Variants in SPEG observed in about 807,000 individuals in gnomAD.
SPEG encodes the protein striated muscle preferentially expressed protein kinase.
In SPEG, 114 loss-of-function variants were observed where a neutral mutation model predicts 300.4. The observed-to-expected ratio is 0.38, with a 90% confidence interval of 0.33 to 0.44. SPEG has a LOEUF of 0.44. SPEG is among the 20% of genes least tolerant of loss of function. The pLI, the probability that SPEG is intolerant of heterozygous loss-of-function variation, is 1.00. For missense variants in SPEG, 4,201 were observed against 4,586.2 expected, an observed-to-expected ratio of 0.92 and a Z score of 2.43; for synonymous variants, 1,964 against 2,018.9, an observed-to-expected ratio of 0.97 and a Z score of 0.73.
intron 6 of SPEG, chr2:219,460,578 G>T (rs1424154102): frequency 1.0e-6 from 1 of 985,436 alleles, no homozygotes; most frequent in Non-Finnish European, 1.2e-6. Context: ...TCTTGTCAGG[G>T]TCTGAAGCTG....
Position 219,471,437 on chromosome 2 carries a change from G to A in SPEG, c.3716-431G>A, listed in dbSNP as rs554049585. Among the ~76,000 whole-genome samples the A allele has an allele frequency of 3.2e-4, 48 of 152,304 alleles. 2 individuals are homozygous for A. The highest frequency in any genetic ancestry group is 1.2e-3 in the African/African-American group (48 of 41,568). On this transcript the variant is annotated intron_variant, in intron 13 of 40. Transcript: ENST00000312358. ...CTGTGCTGGAGACAGAATGGCAGTG[G>A]CCTTGGGGATGGAGAAGAAGGGCTT...
intron 1 of SPEG, chr2:219,442,181 G>A: frequency 1.3e-6 from 1 of 795,098 alleles, no homozygotes; most frequent in Non-Finnish European, 1.6e-6. Flanking sequence ...GGTGGAGGGG[G>A]CGCTGGATCG....
At chr2:219,466,860 C>T in intron 9 of SPEG, 1 of 1,158,356 alleles carries the variant, frequency 8.6e-7, no homozygotes, top group South Asian at 3.7e-5. Flanking sequence ...CAGTTTGTAC[C>T]TATCTGGTGT....
At chr2:219,446,974 C>CT (rs1689336782) in intron 3 of SPEG, among the ~76,000 whole-genome samples, 3 of 30,478 alleles carry the variant, frequency 9.8e-5, no homozygotes, top group African/African-American at 2.2e-4. Context: ...ACATTTAATT[C>CT]CTTTTTTTTT....
chr2:219,461,368 G>C (rs907016459), intron 6 of SPEG: 1 of 988,904 alleles, frequency 1.0e-6, no homozygotes. Context: ...AGATAGTGCC[G>C]CCTCATTGGC....
At chr2:219,466,342 C>T in intron 9 of SPEG, 3 of 1,405,492 alleles carry the variant, frequency 2.1e-6, no homozygotes, top group Non-Finnish European at 2.8e-6. Flanking sequence ...CGAGGGGTAT[C>T]AACCCCCCGA....
Position 219,473,188 on chromosome 2 carries a change from A to T in SPEG, c.4147+92A>T. The T allele has an allele frequency of 7.8e-7, 1 of 1,276,740 alleles. No individual in the cohort carries two copies. Among genetic ancestry groups the T allele is most frequent in the South Asian group, 1.4e-5 (1 of 72,668 alleles). The allele number at this position is 1,276,740 out of a possible 1,614,324, so 79.1% of individuals were successfully genotyped here. On this transcript the variant is annotated intron_variant, in intron 16 of 40. Coordinates refer to ENST00000312358, the MANE Select transcript of SPEG (RefSeq NM_005876.5). This position sits in a 1 kb window ranked among gnomAD's most constrained non-coding sequence, Gnocchi z 4.6. Reference sequence around the variant, plus strand: ...TGGAGGCTCAAGGGATGGCCTGGACATGGTAACTGGCAGGAGCAGCCTAGC... The same window carrying T: ...TGGAGGCTCAAGGGATGGCCTGGACTTGGTAACTGGCAGGAGCAGCCTAGC...
rs1044273126 is a variant in SPEG, at chr2:219,479,732, C to G, written c.5086-51C>G. Reference sequence around the variant, plus strand: ...GACCGCTTGCCGCCCTGGAGGTGTTCAGACATACACCACCCTTCCCCCTCA... The same window carrying G: ...GACCGCTTGCCGCCCTGGAGGTGTTGAGACATACACCACCCTTCCCCCTCA... On this transcript the variant is annotated intron_variant, in intron 23 of 40. Transcript: ENST00000312358. The surrounding 1 kb of genome is among the most constrained non-coding windows in gnomAD (Gnocchi z 5.5). The G allele has an allele frequency of 6.4e-7, 1 of 1,566,174 alleles. No homozygotes were observed. Among genetic ancestry groups the G allele is most frequent in the Admixed American group, 1.7e-5 (1 of 59,942 alleles).
chr2:219,462,206 C>A, intron 7 of SPEG, 92 bp from the exon 8 acceptor site: 1 of 1,254,748 alleles, frequency 8.0e-7, no homozygotes, highest in Non-Finnish European at 1.1e-6. Flanking sequence ...CTCAGCCTGG[C>A]TGTGGAAGAG....
chr2:219,485,568 C>A, intron 31 of SPEG, 91 bp downstream of exon 31: 1 of 1,360,480 alleles, frequency 7.4e-7, no homozygotes. Context: ...GAGAGGTGGG[C>A]CACCTTGACA....
In SPEG at chr2:219,445,143, G is replaced by T; in HGVS notation, c.797G>T (p.Arg266Leu). Residue 266 changes from arginine to leucine, a missense_variant, in exon 3 of 41, where the codon CGG becomes CTG. This residue lies in a region of SPEG where 1,258 missense variants were observed against 1,293.9 expected (regional missense o/e 0.97). Transcript: ENST00000312358. The surrounding 1 kb of genome is among the most constrained non-coding windows in gnomAD (Gnocchi z 6.1). ...AGCGCATTCAGCCTGTACAGAGGAC[G>T]GGCGCTCTCTATCCACGTGTAAGTA... ...YGSAFSLYRG[R>L]ALSIHVSVPQ... 1 of 1,579,020 alleles carries T rather than the reference G, an allele frequency of 6.3e-7. No homozygotes were observed. Among genetic ancestry groups the T allele is most frequent in the Non-Finnish European group, 8.6e-7 (1 of 1,163,236 alleles).
chr2:219,444,839 C>T lies in SPEG; in HGVS notation c.493C>T (p.Leu165=), dbSNP rs1279687528. 6 of 1,583,818 alleles carry T rather than the reference C, an allele frequency of 3.8e-6. No homozygotes were observed. Among genetic ancestry groups the T allele is most frequent in the Non-Finnish European group, 4.3e-6 (5 of 1,164,114 alleles). ...FSTPTGGSDT[L]VGTSLDTPPT... ...CCTTTCTCTAGGGGGTTCTGACACC[C>T]TGGTGGGCACCTCCCTGGACACACC... Residue 165 remains leucine (L), a synonymous_variant, in exon 3 of 41, where the codon CTG becomes TTG. Transcript: ENST00000312358. This position sits in a 1 kb window ranked among gnomAD's most constrained non-coding sequence, Gnocchi z 7.8.
Position 219,480,260 on chromosome 2 carries a change from G to A in SPEG, c.5342+120G>A. On this transcript the variant is annotated intron_variant, in intron 25 of 40. Coordinates refer to ENST00000312358, the MANE Select transcript of SPEG (RefSeq NM_005876.5). The surrounding 1 kb of genome is among the most constrained non-coding windows in gnomAD (Gnocchi z 5.3). The stretch of plus-strand genomic sequence containing the variant: ...AATTCCTCCTGAAGGTGGGCTGGAG[G>A]CATTGTTTGCAGGGTCTCCTGCCCA... The A allele has an allele frequency of 9.1e-7, 1 of 1,100,648 alleles. No homozygotes were observed. Among genetic ancestry groups the A allele is most frequent in the Non-Finnish European group, 1.3e-6 (1 of 764,714 alleles). The allele number at this position is 1,100,648 out of a possible 1,614,324, so 68.2% of individuals were successfully genotyped here.
Position 219,483,930 on chromosome 2 carries a change from T to C in SPEG, c.6467T>C (p.Leu2156Pro), listed in dbSNP as rs1174537114. The C allele has an allele frequency of 1.2e-6, 2 of 1,604,742 alleles. No homozygotes were observed. The highest frequency in any genetic ancestry group is 1.1e-5 in the South Asian group (1 of 91,058). Residue 2156 changes from leucine (L) to proline (P), a missense_variant, in exon 30 of 41, where the codon CTT (leucine) becomes CCT (proline). Coordinates refer to ENST00000312358, the MANE Select transcript of SPEG (RefSeq NM_005876.5). ...GAPLEIPVAR[L>P]GARRLQESPS... ...CCCCTCGAGATCCCCGTGGCCAGGC[T>C]TGGGGCCCGTAGGCTACAGGAGTCT...
Position 219,481,816 on chromosome 2 carries a change from C to A in SPEG, c.5565+136C>A. On this transcript the variant is annotated intron_variant, in intron 28 of 40. Coordinates refer to ENST00000312358, the MANE Select transcript of SPEG (RefSeq NM_005876.5). This position sits in a 1 kb window ranked among gnomAD's most constrained non-coding sequence, Gnocchi z 5.4. The stretch of plus-strand genomic sequence containing the variant: ...ATGTACATATGACGTATTAGCCTCA[C>A]AATAGCTTTGCAAAGGAAGGCATTA... 1.3e-6 allele frequency: 1 copy of A among 796,060 alleles called. No homozygotes were observed. Among genetic ancestry groups the A allele is most frequent in the Non-Finnish European group, 2.2e-6 (1 of 460,832 alleles). 49.3% of individuals were successfully genotyped at this position (796,060 alleles called of 1,614,324 possible).
At chr2:219,466,347 C>T in intron 9 of SPEG, 1 of 1,401,194 alleles carries the variant, frequency 7.1e-7, no homozygotes, top group Non-Finnish European at 9.2e-7. Flanking sequence ...GGTATCAACC[C>T]CCCGAGTCTC....
chr2:219,436,647 G>A (rs912439808), intron 1 of SPEG, among the ~76,000 whole-genome samples: 3 of 152,138 alleles, frequency 2.0e-5, no homozygotes, highest in East Asian at 1.9e-4. Flanking sequence ...TCCCTCCATC[G>A]GCATCTCCTC....
rs370779127 is a variant in SPEG at position 219,483,148 on chromosome 2, G to A, written c.5685G>A (p.Glu1895=). 23 of 1,609,338 alleles carry A rather than the reference G, an allele frequency of 1.4e-5. No individual in the cohort carries two copies. In the African/African-American group the frequency reaches 2.8e-4, roughly 20 times the overall value. ...KCHLVLRPIP[E]LLRAPPERVW... is the part of the protein sequence containing the mutation. ...ACCTGGTGCTGCGCCCCATCCCCGAGCTGCTGCGGGCCCCCCCAGAGCGGG... is the reference window on the plus strand; with the variant it reads ...ACCTGGTGCTGCGCCCCATCCCCGAACTGCTGCGGGCCCCCCCAGAGCGGG... The change falls in exon 30 of 41, where the codon GAG becomes GAA. Residue 1895 remains glutamate, a synonymous_variant. Transcript: ENST00000312358.
intron 15 of SPEG, 31 bp from the exon 16 acceptor site, chr2:219,472,859 C>T: frequency 1.3e-6 from 2 of 1,540,860 alleles, no homozygotes; most frequent in Non-Finnish European, 1.8e-6. Flanking sequence ...GCTCCTGCAA[C>T]AGCAGCCTCT....
Sources: gnomAD v4.1 joint callset for allele counts (sites outside exome capture counted in the v4.1 genomes callset) on GRCh38, gnomAD v4.1.1 for gene constraint, gnomAD v4.1.1 regional missense constraint, Gnocchi (gnomAD v3.1) non-coding constraint, MANE v1.5 for transcripts, NCBI Gene and HGNC (gene_info 2026-07-23, HGNC 2026-07-21) for gene names.